The following ANKRD11 variants were observed in gnomAD, a reference collection of about 807,000 sequenced individuals.
The protein encoded by ANKRD11 is ankyrin repeat domain 11.
In ANKRD11, 17 loss-of-function variants were observed where a neutral mutation model predicts 195.7. That is an observed-to-expected ratio of 0.09 (90% CI 0.06 to 0.13). ANKRD11 has a LOEUF of 0.13. Ranked by LOEUF, ANKRD11 falls within the 10% of genes least tolerant of loss-of-function variation. The probability of loss-of-function intolerance (pLI) is 1.00; values close to 1 mark genes in which losing one functional copy is unlikely to be tolerated. For synonymous variants in ANKRD11, 1,953 were observed against 1,528.1 expected (o/e 1.28, Z -6.49); for missense variants, 3,735 against 3,566.1 (o/e 1.05, Z -1.21).
chr16:89,395,383 G>A (rs778833366), intron 2 of ANKRD11, among the ~76,000 whole-genome samples: 5 of 152,206 alleles, frequency 3.3e-5, no homozygotes, highest in South Asian at 2.1e-4. Context: ...CCTGCACTGC[G>A]GGGACATGGT....
chr16:89,345,392 C>T (rs1162373539), intron 2 of ANKRD11, among the ~76,000 whole-genome samples: 6 of 152,204 alleles, frequency 3.9e-5, no homozygotes, highest in East Asian at 1.9e-4. Context: ...CGTGGGTGGA[C>T]GAACGCTGGC....
chr16:89,291,145 G>A lies in ANKRD11; in HGVS notation c.265C>T (p.Pro89Ser). 6.2e-7 allele frequency: 1 copy of A among 1,613,972 alleles called. No individual in the cohort carries two copies. The highest frequency in any genetic ancestry group is 1.1e-5 in the South Asian group (1 of 91,082). The change falls in exon 5 of 13, where the codon CCT becomes TCT. Residue 89 changes from proline to serine, a missense_variant. Transcript: ENST00000301030. The surrounding 1 kb of genome is among the most constrained non-coding windows in gnomAD (Gnocchi z 5.3). ...GPERKRIKKE[P>S]VTRKAGLLFG... The stretch of plus-strand genomic sequence containing the variant: ...AGCAGCCCGGCCTTCCGGGTGACAG[G>A]CTCCTTCTTAATCCTCTTCCGCTCA...
intron 7 of ANKRD11, chr16:89,287,858 G>C (rs1012290874): frequency 3.6e-6 from 1 of 278,456 alleles, no homozygotes; most frequent in Non-Finnish European, 6.7e-6. Context: ...GGAGCACGAC[G>C]GGCACCAGCA....
At chr16:89,423,967 CG>C (rs763283974) in intron 1 of ANKRD11, among the ~76,000 whole-genome samples, 3 of 151,970 alleles carry the variant, frequency 2.0e-5, no homozygotes, top group Non-Finnish European at 2.9e-5. Context: ...ACCTTGTAAG[CG>C]GGTAAGGGGA....
At chr16:89,489,350 A>C (rs1368826653) in intron 1 of ANKRD11, among the ~76,000 whole-genome samples, 1 of 151,916 alleles carries the variant, frequency 6.6e-6, no homozygotes, top group Non-Finnish European at 1.5e-5. Flanking sequence ...CCTTGAGGCC[A>C]AGGGCTGCTG....
chr16:89,350,035 T>C (rs1282709462), intron 2 of ANKRD11, among the ~76,000 whole-genome samples: 1 of 152,148 alleles, frequency 6.6e-6, no homozygotes, highest in Admixed American at 6.5e-5. Context: ...TGAAGACACA[T>C]GCTTCACCAA....
intron 2 of ANKRD11, among the ~76,000 whole-genome samples, chr16:89,409,896 G>C (rs2042048761): frequency 1.3e-5 from 2 of 151,206 alleles, no homozygotes. Context: ...CTGGAGTGTA[G>C]TGGCACAATC....
chr16:89,443,056 A>G (rs1042800272), intron 1 of ANKRD11, among the ~76,000 whole-genome samples: 1 of 152,116 alleles, frequency 6.6e-6, no homozygotes, highest in Non-Finnish European at 1.5e-5. Flanking sequence ...GCAATGGTGC[A>G]ATCTTGGCTC....
At chr16:89,350,607 C>T (rs1393611831) in intron 2 of ANKRD11, among the ~76,000 whole-genome samples, 2 of 152,108 alleles carry the variant, frequency 1.3e-5, no homozygotes, top group Non-Finnish European at 2.9e-5. Context: ...CTACAGTGAC[C>T]GAAAGCACAT....
chr16:89,427,734 G>C (rs79607306), intron 1 of ANKRD11, among the ~76,000 whole-genome samples: 1 of 152,044 alleles, frequency 6.6e-6, no homozygotes, highest in African/African-American at 2.4e-5. Flanking sequence ...AGGAGGCAGA[G>C]GTTGCAGTGA....
chr16:89,418,001 G>C (rs1239387973), intron 2 of ANKRD11, among the ~76,000 whole-genome samples: 1 of 152,216 alleles, frequency 6.6e-6, no homozygotes, highest in Admixed American at 6.5e-5. Flanking sequence ...AGGAGGACAA[G>C]AGGAAATAAA....
At chr16:89,309,579 G>A (rs2036496546) in intron 3 of ANKRD11, among the ~76,000 whole-genome samples, 2 of 152,212 alleles carry the variant, frequency 1.3e-5, no homozygotes, top group South Asian at 4.1e-4. Flanking sequence ...CATGGGCAAG[G>A]CGCCTGTGTG....
In ANKRD11 at chr16:89,454,428, A is replaced by C. The variant is rs566661855; in HGVS notation, c.-145+35817T>G. Among the ~76,000 whole-genome samples, 21 of 152,306 alleles carry C rather than the reference A, an allele frequency of 1.4e-4. 1 individual carries two copies. The South Asian group carries it at 4.1e-3, about 30-fold the overall frequency. On this transcript the variant is annotated intron_variant, in intron 1 of 12. Coordinates refer to ENST00000301030, the MANE Select transcript of ANKRD11 (RefSeq NM_013275.6). Reference sequence around the variant, plus strand: ...GGTAAAAAAACCCTAAGAAAAGGCAACTTTCTAAAACAATCATACTACACT... The same window carrying C: ...GGTAAAAAAACCCTAAGAAAAGGCACCTTTCTAAAACAATCATACTACACT...
chr16:89,436,927 A>G (rs2043239742), intron 1 of ANKRD11, among the ~76,000 whole-genome samples: 1 of 152,258 alleles, frequency 6.6e-6, no homozygotes, highest in African/African-American at 2.4e-5. Flanking sequence ...ATATACATTT[A>G]TCAACCACAT....
chr16:89,385,428 A>C (rs2040865556), intron 2 of ANKRD11, among the ~76,000 whole-genome samples: 1 of 152,128 alleles, frequency 6.6e-6, no homozygotes, highest in African/African-American at 2.4e-5. Flanking sequence ...CGGACCCAGC[A>C]GACAGAAATG....
At chr16:89,361,212 A>G (rs2039716815) in intron 2 of ANKRD11, among the ~76,000 whole-genome samples, 1 of 152,112 alleles carries the variant, frequency 6.6e-6, no homozygotes, top group Non-Finnish European at 1.5e-5. Flanking sequence ...CCCTTAGGAA[A>G]CCCCAGCAGC....
chr16:89,272,859 T>C (rs970337289), intron 11 of ANKRD11: 1 of 152,144 alleles, frequency 6.6e-6, no homozygotes, highest in Non-Finnish European at 1.5e-5. Context: ...AACACGTGGA[T>C]GGAACTGGGG....
At position 89,283,395 on chromosome 16, in the gene ANKRD11, G is replaced by A; in HGVS notation, c.3147C>T (p.Asp1049=). 9 of 1,613,804 alleles carry A rather than the reference G, an allele frequency of 5.6e-6. No homozygotes were observed. The highest frequency in any genetic ancestry group is 7.6e-6 in the Non-Finnish European group (9 of 1,179,986). ...EKSILEKCQK[D]KEFDKCFKEK... ...CTTTAAAACATTTATCAAATTCTTT[G>A]TCCTTCTGACATTTTTCCAGGATTG... is the stretch of plus-strand genomic sequence containing the variant. The change falls in exon 9 of 13, where the codon GAC becomes GAT. Residue 1049 remains aspartate (D), a synonymous_variant. Coordinates refer to ENST00000301030, the MANE Select transcript of ANKRD11 (RefSeq NM_013275.6). The surrounding 1 kb of genome is among the most constrained non-coding windows in gnomAD (Gnocchi z 4.3).
chr16:89,368,566 C>A (rs866977332), intron 2 of ANKRD11, among the ~76,000 whole-genome samples: 3 of 148,480 alleles, frequency 2.0e-5, no homozygotes, highest in Non-Finnish European at 3.0e-5. Flanking sequence ...AATTTAATTT[C>A]TTGCTCTAAG....
Sources: allele counts gnomAD v4.1 joint callset (sites outside exome capture counted in the v4.1 genomes callset), GRCh38; gene constraint gnomAD v4.1.1; non-coding constraint Gnocchi (gnomAD v3.1); transcripts MANE v1.5; gene names NCBI Gene and HGNC (gene_info 2026-07-23, HGNC 2026-07-21).